The following LMNTD1 variants were observed in gnomAD, a reference collection of about 807,000 sequenced individuals.
LMNTD1 encodes the protein lamin tail domain containing 1.
In LMNTD1, 35 loss-of-function variants were observed where a neutral mutation model predicts 50.9. The observed-to-expected ratio is 0.69, with a 90% confidence interval of 0.53 to 0.91. The LOEUF (loss-of-function observed/expected upper bound fraction) is 0.91, where lower values mean the gene tolerates loss of function less well. Ranked by LOEUF, LMNTD1 falls within the 40% of genes least tolerant of loss-of-function variation. The pLI is 0.00. For missense variants in LMNTD1, 470 were observed against 475.5 expected (o/e 0.99, Z 0.11); for synonymous variants, 153 against 161.9 (o/e 0.94, Z 0.42).
Position 25,559,945 on chromosome 12 carries a change from T to C in LMNTD1, c.59-13391A>G, listed in dbSNP as rs553217775. ...TCTTTGTAGATTCTGGATATTAGCC[T>C]TTTGTCAGATGGGTAGATTATAAAA... On this transcript the variant is annotated intron_variant, in intron 1 of 7. Transcript: ENST00000445693. Among the ~76,000 whole-genome samples the C allele has an allele frequency of 1.4e-4, 21 of 152,316 alleles. No individual in the cohort carries two copies. The South Asian group carries it at 3.9e-3, about 29-fold the overall frequency.
At chr12:25,511,175 G>A (rs1269832265) in intron 8 of LMNTD1, among the ~76,000 whole-genome samples, 3 of 152,158 alleles carry the variant, frequency 2.0e-5, no homozygotes, top group African/African-American at 7.2e-5. Context: ...GCAAGAAGGA[G>A]AATGTGTGAT....
chr12:25,610,418 A>G (rs1194144884), intron 1 of LMNTD1, among the ~76,000 whole-genome samples: 2 of 152,276 alleles, frequency 1.3e-5, no homozygotes, highest in East Asian at 1.9e-4. Flanking sequence ...TGTCTTCTGC[A>G]TCAGTCACAC....
At chr12:25,558,133 C>G (rs887354469), upstream of LMNTD1, among the ~76,000 whole-genome samples, 1 of 152,156 alleles carries the variant, frequency 6.6e-6, no homozygotes, top group Non-Finnish European at 1.5e-5. Context: ...TGTAATGTCT[C>G]CTTTTTCATC....
At chr12:25,647,178 A>G (rs2136640178) in intron 1 of LMNTD1, among the ~76,000 whole-genome samples, 1 of 152,362 alleles carries the variant, frequency 6.6e-6, no homozygotes, top group South Asian at 2.1e-4. Flanking sequence ...ATTGTCTACA[A>G]TAATAAATAT....
At chr12:25,562,212 T>C (rs1235842330) in intron 1 of LMNTD1, among the ~76,000 whole-genome samples, 4 of 152,242 alleles carry the variant, frequency 2.6e-5, no homozygotes, top group African/African-American at 4.8e-5. Flanking sequence ...TCATTATTGA[T>C]GTAGTTTCTT....
At chr12:25,579,434 A>G (rs1352145732) in intron 1 of LMNTD1, among the ~76,000 whole-genome samples, 1 of 152,174 alleles carries the variant, frequency 6.6e-6, no homozygotes, top group Non-Finnish European at 1.5e-5. Flanking sequence ...CAGGGACTTT[A>G]GCATTTAAGG....
At chr12:25,509,866 T>A (rs1313813415) in intron 8 of LMNTD1, among the ~76,000 whole-genome samples, 1 of 152,104 alleles carries the variant, frequency 6.6e-6, no homozygotes, top group African/African-American at 2.4e-5. Flanking sequence ...ACTAAGAAGA[T>A]GCAAGGAAAG....
intron 1 of LMNTD1, among the ~76,000 whole-genome samples, chr12:25,588,683 A>G (rs1398623148): frequency 6.6e-6 from 1 of 152,080 alleles, no homozygotes; most frequent in Non-Finnish European, 1.5e-5. Context: ...GGAAATATTT[A>G]TTTCTTGTCT....
At chr12:25,638,348 G>A (rs759884282) in intron 1 of LMNTD1, among the ~76,000 whole-genome samples, 12 of 151,880 alleles carry the variant, frequency 7.9e-5, no homozygotes, top group Non-Finnish European at 1.2e-4. Context: ...GGAAAATTAG[G>A]CAAGAAAATA....
intron 1 of LMNTD1, among the ~76,000 whole-genome samples, chr12:25,624,582 C>G (rs1169899115): frequency 1.3e-5 from 2 of 152,196 alleles, no homozygotes; most frequent in Non-Finnish European, 2.9e-5. Flanking sequence ...AGTTATAGGA[C>G]TTTTAGGAGT....
chr12:25,620,857 G>A (rs145606426), intron 1 of LMNTD1, among the ~76,000 whole-genome samples: 218 of 152,138 alleles, frequency 1.4e-3, no homozygotes, highest in African/African-American at 5.0e-3. Flanking sequence ...TGCTTTATAC[G>A]CGCTCTACCA....
chr12:25,504,418 T>C (rs1939589233), intron 8 of LMNTD1, among the ~76,000 whole-genome samples: 1 of 152,206 alleles, frequency 6.6e-6, no homozygotes, highest in African/African-American at 2.4e-5. Flanking sequence ...TTTCCAGATA[T>C]GAAGCAAGTG....
rs960598004 is a variant in LMNTD1 at position 25,489,302 on chromosome 12, C to T, written c.*23-12842G>A. On this transcript the variant is annotated intron_variant, in intron 9 of 9. Transcript: ENST00000458174. Reference sequence around the variant, plus strand: ...GAGATTCCGTGGGCGTAGGACCCTCCGAGCCAGGTGTGGGATATAGTCTGG... The same window carrying T: ...GAGATTCCGTGGGCGTAGGACCCTCTGAGCCAGGTGTGGGATATAGTCTGG... 1.5e-4 allele frequency among the ~76,000 whole-genome samples: 23 copies of T among 150,576 alleles called. No individual in the cohort carries two copies. The East Asian group carries it at 1.7e-3, about 11-fold the overall frequency.
chr12:25,615,320 T>C (rs1946331453), intron 1 of LMNTD1, among the ~76,000 whole-genome samples: 1 of 152,160 alleles, frequency 6.6e-6, no homozygotes, highest in Non-Finnish European at 1.5e-5. Context: ...GTAGAGTGTG[T>C]GAGGTAATTC....
chr12:25,483,776 A>T (rs964178091), intron 9 of LMNTD1, among the ~76,000 whole-genome samples: 3 of 150,308 alleles, frequency 2.0e-5, no homozygotes, highest in African/African-American at 7.3e-5. Context: ...CCATCTCAAA[A>T]AAAAAAAAAA....
In LMNTD1 at chr12:25,520,037, C is replaced by T. The variant is rs369957924; in HGVS notation, c.837G>A (p.Ala279=). 5.5e-5 allele frequency: 89 copies of T among 1,612,966 alleles called. No individual in the cohort carries two copies. In the East Asian group the frequency reaches 5.6e-4, roughly 10 times the overall value. ...CAACGTCAGCATCTAATTTTTCCCA[C>T]GCTTGCTTCCAGTGGATAGGGGTGT... The part of the protein sequence containing the change: ...AWYTPIHWKQ[A]WEKLDADVEF... Residue 279 remains alanine (A), a synonymous_variant, in exon 7 of 10, where the codon GCG becomes GCA. Coordinates refer to ENST00000458174, the MANE Select transcript of LMNTD1 (RefSeq NM_001145728.2).
intron 1 of LMNTD1, among the ~76,000 whole-genome samples, chr12:25,579,998 C>T (rs1259916239): frequency 6.6e-6 from 1 of 152,074 alleles, no homozygotes; most frequent in African/African-American, 2.4e-5. Context: ...TTTGCTAAGG[C>T]CCTTCATGAT....
At chr12:25,557,763 T>A (rs987857997), upstream of LMNTD1, among the ~76,000 whole-genome samples, 4 of 152,192 alleles carry the variant, frequency 2.6e-5, no homozygotes, top group African/African-American at 9.7e-5. Flanking sequence ...TGAAACAAAA[T>A]AACACCCAAC....
chr12:25,625,691 T>G (rs1429107168), intron 1 of LMNTD1, among the ~76,000 whole-genome samples: 1 of 152,252 alleles, frequency 6.6e-6, no homozygotes, highest in African/African-American at 2.4e-5. Context: ...AGTAGAGGAC[T>G]TCCTTTTTCC....
Sources: gnomAD v4.1 joint callset for allele counts (sites outside exome capture counted in the v4.1 genomes callset) on GRCh38, gnomAD v4.1.1 for gene constraint, MANE v1.5 for transcripts, NCBI Gene and HGNC (gene_info 2026-07-23, HGNC 2026-07-21) for gene names.